Variants in SAMSN1 observed in about 807,000 individuals in gnomAD.
The protein encoded by SAMSN1 is SAM domain, SH3 domain and nuclear localization signals 1.
Under a neutral mutation model 42.0 loss-of-function variants are expected in SAMSN1, and 31 were observed. The observed-to-expected ratio is 0.74, with a 90% CI of 0.55 to 1.00. SAMSN1 has a LOEUF of 1.00. Among genes scored for constraint, SAMSN1 ranks in the 50% least tolerant of loss-of-function variants. The probability of loss-of-function intolerance (pLI) is 0.00; values close to 1 mark genes in which losing one functional copy is unlikely to be tolerated. For synonymous variants in SAMSN1, 178 were observed against 151.9 expected (o/e 1.17, Z -1.26); for missense variants, 464 against 439.4 (o/e 1.06, Z -0.50).
intron 5 of SAMSN1, among the ~76,000 whole-genome samples, chr21:14,509,082 C>CTCCA (rs1987558124): frequency 6.6e-6 from 1 of 151,380 alleles, no homozygotes. Context: ...TGCCACTGCA[C>CTCCA]TCCAGCCTGG....
intron 3 of SAMSN1, among the ~76,000 whole-genome samples, chr21:14,615,045 A>G (rs938679605): frequency 3.3e-5 from 5 of 152,318 alleles, no homozygotes; most frequent in Admixed American, 6.5e-5. Context: ...TTGTTTAAGT[A>G]CGTTCCTTGG....
chr21:14,538,384 T>C (rs1979773821), intron 1 of SAMSN1, among the ~76,000 whole-genome samples: 1 of 152,150 alleles, frequency 6.6e-6, no homozygotes, highest in Non-Finnish European at 1.5e-5. Context: ...ATCCCAAATC[T>C]TTTAACTTGT....
intron 2 of SAMSN1, among the ~76,000 whole-genome samples, chr21:14,519,267 G>T (rs942995384): frequency 6.6e-6 from 1 of 152,128 alleles, no homozygotes; most frequent in African/African-American, 2.4e-5. Context: ...GTGCTGGATT[G>T]TTGAAAAATA....
intron 5 of SAMSN1, chr21:14,602,177 CAT>C (rs1400166764): frequency 2.3e-6 from 1 of 432,518 alleles, no homozygotes; most frequent in Non-Finnish European, 4.3e-6. Flanking sequence ...ATTTAACACT[CAT>C]GTTTTTATTT....
intron 1 of SAMSN1, among the ~76,000 whole-genome samples, chr21:14,539,141 G>A (rs776642837): frequency 6.6e-6 from 1 of 152,096 alleles, no homozygotes; most frequent in Non-Finnish European, 1.5e-5. Flanking sequence ...GTATATTAGA[G>A]TTCTTAACAT....
chr21:14,635,554 T>C (rs1398479871), intron 2 of SAMSN1, among the ~76,000 whole-genome samples: 2 of 152,204 alleles, frequency 1.3e-5, no homozygotes, highest in Non-Finnish European at 2.9e-5. Context: ...TAAATCCTGT[T>C]GCTTCTTCTT....
chr21:14,507,554 A>G (rs568440255), intron 5 of SAMSN1, among the ~76,000 whole-genome samples: 12 of 152,258 alleles, frequency 7.9e-5, no homozygotes, highest in Non-Finnish European at 1.8e-4. Flanking sequence ...CATAGATGGC[A>G]CAAACAAATG....
chr21:14,595,138 A>G (rs1982221067), intron 6 of SAMSN1, among the ~76,000 whole-genome samples: 1 of 152,158 alleles, frequency 6.6e-6, no homozygotes, highest in African/African-American at 2.4e-5. Flanking sequence ...TGAGAAATCC[A>G]ATCCCATGAT....
At position 14,489,689 on chromosome 21, in the gene SAMSN1, A is replaced by G. The variant is rs17306360; in HGVS notation, c.920-3575T>C. Among the ~76,000 whole-genome samples the G allele has an allele frequency of 2.7e-3, 412 of 152,284 alleles. 10 individuals carry two copies. The East Asian group carries it at 0.061, about 22-fold the overall frequency. On this transcript the variant is annotated intron_variant, in intron 7 of 7. Transcript: ENST00000400566. ...CTCTATATAATAAAAATAGAATAAC[A>G]TTTAAAAATTACTTAGGAAATATTT...
In SAMSN1 at chr21:14,485,865, G is replaced by C. The variant is rs1986409811; in HGVS notation, c.*47C>G. The C allele has an allele frequency of 7.0e-7, 1 of 1,427,766 alleles. No homozygotes were observed. Among genetic ancestry groups the C allele is most frequent in the Non-Finnish European group, 9.9e-7 (1 of 1,013,450 alleles). The allele number at this position is 1,427,766 out of a possible 1,614,324, so 88.4% of individuals were successfully genotyped here. On this transcript the variant is annotated 3_prime_UTR_variant, in exon 8 of 8. Coordinates refer to ENST00000400566, the MANE Select transcript of SAMSN1 (RefSeq NM_022136.5). ...CCTATTTGACGTTTTAGCTCAAGAAGAGTTAAAATGGAATGCATCTGTAGA... is the reference window on the plus strand; with the variant it reads ...CCTATTTGACGTTTTAGCTCAAGAACAGTTAAAATGGAATGCATCTGTAGA...
At position 14,577,234 on chromosome 21, in the gene SAMSN1, GTGTGTATATATA is replaced by G. The variant is rs1288830434; in HGVS notation, c.261+4890_261+4901del. 6.7e-3 allele frequency among the ~76,000 whole-genome samples: 142 copies of G among 21,316 alleles called. 11 individuals are homozygous for G. Among genetic ancestry groups the G allele is most frequent in the East Asian group, 0.027 (11 of 406 alleles). 14.0% of individuals were successfully genotyped at this position (21,316 alleles called of 152,430 possible). A position where few individuals can be genotyped will look rare whatever the true frequency, so the allele number is the denominator to read the frequency against. The stretch of plus-strand genomic sequence containing the variant: ...CCATGGTGGGCTAATTTATATATAT[GTGTGTATATATA>G]TATATATATATATATATATATATAT... On this transcript the variant is annotated intron_variant, in intron 2 of 8. Coordinates refer to the SAMSN1 transcript ENST00000285670.
At chr21:14,629,890 T>C (rs1286910988) in intron 2 of SAMSN1, among the ~76,000 whole-genome samples, 3 of 152,330 alleles carry the variant, frequency 2.0e-5, no homozygotes, top group African/African-American at 7.2e-5. Context: ...CTTCCAGATG[T>C]CTTAAAACAG....
chr21:14,494,932 C>T (rs1986851567), intron 7 of SAMSN1, among the ~76,000 whole-genome samples: 1 of 152,244 alleles, frequency 6.6e-6, no homozygotes, highest in Middle Eastern at 3.4e-3. Flanking sequence ...TAGCTCTTAT[C>T]CTCAAGATAT....
intron 2 of SAMSN1, among the ~76,000 whole-genome samples, chr21:14,566,664 A>G (rs1981129498): frequency 6.6e-6 from 1 of 152,058 alleles, no homozygotes; most frequent in Non-Finnish European, 1.5e-5. Context: ...CAGCCTCTCA[A>G]GTAGCTGGGG....
chr21:14,534,443 T>TAAACAA (rs762527110), intron 1 of SAMSN1, among the ~76,000 whole-genome samples: 3 of 151,930 alleles, frequency 2.0e-5, no homozygotes, highest in Admixed American at 6.6e-5. Flanking sequence ...ACTGTGAGTT[T>TAAACAA]AAACAACAAC....
exon 2 of SAMSN1, chr21:14,582,375 G>T (rs753437101): frequency 1.1e-5 from 17 of 1,550,054 alleles, no homozygotes; most frequent in Non-Finnish European, 1.5e-5. Flanking sequence ...GATGCAGAAA[G>T]AGTATCCAAT....
chr21:14,496,337 ACTT>A (rs1424923596), intron 7 of SAMSN1: 1 of 152,202 alleles, frequency 6.6e-6, no homozygotes, highest in Non-Finnish European at 1.5e-5. Context: ...TAGCTGTTCG[ACTT>A]CTTTGAAATT....
intron 1 of SAMSN1, among the ~76,000 whole-genome samples, chr21:14,540,285 G>T (rs1979926628): frequency 6.6e-6 from 1 of 152,186 alleles, no homozygotes; most frequent in Non-Finnish European, 1.5e-5. Flanking sequence ...AGCCAAAATT[G>T]ACAAATGGGA....
At chr21:14,540,648 G>A (rs1467591510) in intron 1 of SAMSN1, among the ~76,000 whole-genome samples, 1 of 152,224 alleles carries the variant, frequency 6.6e-6, no homozygotes, top group South Asian at 2.1e-4. Flanking sequence ...TGCTGGAGAG[G>A]ATGTGGAGAA....
Sources: allele counts gnomAD v4.1 joint callset (sites outside exome capture counted in the v4.1 genomes callset), GRCh38; gene constraint gnomAD v4.1.1; transcripts MANE v1.5; gene names NCBI Gene and HGNC (gene_info 2026-07-23, HGNC 2026-07-21).